The following CCDC91 variants were observed in gnomAD, a reference collection of about 807,000 sequenced individuals.
CCDC91 encodes coiled-coil domain containing 91.
CCDC91 carries 48 observed loss-of-function variants against 63.2 expected under a neutral mutation model. The ratio of observed to expected loss-of-function variants is 0.76; its 90% CI spans 0.60 to 0.97. The LOEUF is 0.97. Among genes scored for constraint, CCDC91 ranks in the 50% least tolerant of loss-of-function variants. CCDC91 has a pLI of 0.00. For synonymous variants in CCDC91, 167 were observed against 165.8 expected, an observed-to-expected ratio of 1.01 and a Z score of -0.06; for missense variants, 500 against 494.6, an observed-to-expected ratio of 1.01 and a Z score of -0.10.
At chr12:28,426,527 T>G (rs1480396057) in intron 8 of CCDC91, among the ~76,000 whole-genome samples, 1 of 152,154 alleles carries the variant, frequency 6.6e-6, no homozygotes. Flanking sequence ...ATCTCAAAAT[T>G]TTGCACTAGA....
intron 6 of CCDC91, among the ~76,000 whole-genome samples, chr12:28,334,023 G>A (rs553699836): frequency 2.0e-5 from 3 of 151,626 alleles, no homozygotes; most frequent in African/African-American, 2.4e-5. Flanking sequence ...GAATTGAAAC[G>A]ACTTCTGGCA....
At chr12:28,545,307 C>T (rs1467205449) in intron 12 of CCDC91, among the ~76,000 whole-genome samples, 1 of 151,950 alleles carries the variant, frequency 6.6e-6, no homozygotes, top group African/African-American at 2.4e-5. Context: ...CTTCTCGCCT[C>T]AATAAAGGAT....
chr12:28,431,125 A>T (rs1354694495), intron 8 of CCDC91, among the ~76,000 whole-genome samples: 1 of 152,150 alleles, frequency 6.6e-6, no homozygotes. Context: ...ATATGATATT[A>T]ATTCTTTGAA....
chr12:28,329,507 G>T (rs1013999643), intron 6 of CCDC91, among the ~76,000 whole-genome samples: 12 of 152,046 alleles, frequency 7.9e-5, no homozygotes, highest in Admixed American at 2.0e-4. Flanking sequence ...ATATACTTGA[G>T]ACACCTTTTT....
At chr12:28,476,895 A>G (rs1320501986) in intron 11 of CCDC91, among the ~76,000 whole-genome samples, 1 of 152,220 alleles carries the variant, frequency 6.6e-6, no homozygotes, top group Non-Finnish European at 1.5e-5. Flanking sequence ...TCCTGGACAC[A>G]TACACCCTCA....
intron 11 of CCDC91, among the ~76,000 whole-genome samples, chr12:28,475,290 G>T (rs1016157909): frequency 6.6e-6 from 1 of 152,044 alleles, no homozygotes; most frequent in Non-Finnish European, 1.5e-5. Context: ...GAAAACATTT[G>T]CAGGGATAGA....
intron 12 of CCDC91, among the ~76,000 whole-genome samples, chr12:28,513,569 C>G (rs1328162725): frequency 1.3e-5 from 2 of 151,838 alleles, no homozygotes; most frequent in Non-Finnish European, 2.9e-5. Context: ...ATTCGAAACA[C>G]TTCTGGTCCC....
intron 12 of CCDC91, among the ~76,000 whole-genome samples, chr12:28,535,590 C>T (rs1244209716): frequency 6.6e-6 from 1 of 152,150 alleles, no homozygotes; most frequent in Admixed American, 6.5e-5. Flanking sequence ...TTTTAAACAA[C>T]AAAATTATTC....
At chr12:28,241,995 C>CAAAAAAAAAAAAAA (rs1209663723) in intron 1 of CCDC91, among the ~76,000 whole-genome samples, 12 of 41,398 alleles carry the variant, frequency 2.9e-4, no homozygotes, top group Non-Finnish European at 3.4e-4. Flanking sequence ...GACTCCTTCT[C>CAAAAAAAAAAAAAA]AAAAAAAAAA....
chr12:28,418,604 C>G (rs1947818405), intron 8 of CCDC91, among the ~76,000 whole-genome samples: 1 of 151,944 alleles, frequency 6.6e-6, no homozygotes, highest in East Asian at 1.9e-4. Flanking sequence ...TGAATAGTAG[C>G]TATTGAAATT....
At chr12:28,239,622 A>T (rs1330438418) in intron 1 of CCDC91, among the ~76,000 whole-genome samples, 1 of 152,216 alleles carries the variant, frequency 6.6e-6, no homozygotes, top group Non-Finnish European at 1.5e-5. Context: ...AATAAAGTGT[A>T]TCCAACATAA....
At chr12:28,248,288 G>A (rs767792205) in intron 1 of CCDC91, among the ~76,000 whole-genome samples, 1 of 152,160 alleles carries the variant, frequency 6.6e-6, no homozygotes, top group Non-Finnish European at 1.5e-5. Flanking sequence ...TGCATTTGAG[G>A]TTCCTGTTAG....
chr12:28,247,861 G>A (rs1408639737), intron 1 of CCDC91, among the ~76,000 whole-genome samples: 2 of 152,184 alleles, frequency 1.3e-5, no homozygotes, highest in East Asian at 3.9e-4. Context: ...GCATTAGTTA[G>A]ATTCTCCTAA....
At chr12:28,506,802 T>C (rs930686470) in intron 12 of CCDC91, among the ~76,000 whole-genome samples, 21 of 151,770 alleles carry the variant, frequency 1.4e-4, no homozygotes, top group African/African-American at 4.8e-4. Flanking sequence ...CATACTTCTC[T>C]TGACAGAGCT....
intron 1 of CCDC91, among the ~76,000 whole-genome samples, chr12:28,210,760 A>T (rs1943178306): frequency 6.6e-6 from 1 of 152,000 alleles, no homozygotes; most frequent in Admixed American, 6.6e-5. Context: ...AGGGTAAGAT[A>T]ATTAAAAAAT....
intron 11 of CCDC91, among the ~76,000 whole-genome samples, chr12:28,481,898 C>A (rs1951468604): frequency 6.6e-6 from 1 of 151,906 alleles, no homozygotes; most frequent in Admixed American, 6.6e-5. Context: ...AAAGTGTTAA[C>A]TGAATAACTT....
At chr12:28,433,796 G>T (rs1948754870) in intron 8 of CCDC91, among the ~76,000 whole-genome samples, 1 of 151,876 alleles carries the variant, frequency 6.6e-6, no homozygotes, top group African/African-American at 2.4e-5. Flanking sequence ...AAGATGAGAA[G>T]AACTGACATC....
chr12:28,284,227 T>G (rs1948776528), intron 3 of CCDC91, among the ~76,000 whole-genome samples: 1 of 152,222 alleles, frequency 6.6e-6, no homozygotes, highest in African/African-American at 2.4e-5. Context: ...TTTGTTTTCT[T>G]GCTAAAATTT....
intron 12 of CCDC91, among the ~76,000 whole-genome samples, chr12:28,547,684 T>TAA (rs1488766671): frequency 6.6e-6 from 1 of 152,158 alleles, no homozygotes; most frequent in African/African-American, 2.4e-5. Flanking sequence ...TCTGTATATA[T>TAA]AATAGAATCT....
Sources: allele counts gnomAD v4.1 joint callset (sites outside exome capture counted in the v4.1 genomes callset), GRCh38; gene constraint gnomAD v4.1.1; transcripts MANE v1.5; gene names NCBI Gene and HGNC (gene_info 2026-07-23, HGNC 2026-07-21).